Variants in ATP8B1 observed in about 807,000 individuals in gnomAD.
The protein encoded by ATP8B1 is ATPase phospholipid transporting 8B1.
In ATP8B1, 80 loss-of-function variants were observed where a neutral mutation model predicts 149.9. The ratio of observed to expected loss-of-function variants is 0.53; its 90% CI spans 0.45 to 0.64. ATP8B1 has a LOEUF of 0.64. ATP8B1 is among the 30% of genes least tolerant of loss of function. The pLI is 0.00. For synonymous variants in ATP8B1, 536 were observed against 562.8 expected (o/e 0.95, Z 0.67); for missense variants, 1,247 against 1,552.6 (o/e 0.80, Z 3.31).
At chr18:57,676,116 T>C (rs934382078) in intron 15 of ATP8B1, among the ~76,000 whole-genome samples, 1 of 152,214 alleles carries the variant, frequency 6.6e-6, no homozygotes, top group Non-Finnish European at 1.5e-5. Flanking sequence ...TCCAAGAAGG[T>C]TGTACCAGTT....
At chr18:57,779,503 T>C (rs1210437923) in intron 1 of ATP8B1, among the ~76,000 whole-genome samples, 3 of 152,242 alleles carry the variant, frequency 2.0e-5, no homozygotes, top group Non-Finnish European at 4.4e-5. Flanking sequence ...CCAAAGTTGG[T>C]ATCAGGTATA....
In ATP8B1 at chr18:57,759,825, G is replaced by GAA. The variant is rs113979064; in HGVS notation, c.-25-27995_-25-27994dup. ...CAGAGCGAGACTCCGTCTCGGGAAA[G>GAA]AAAAAAAAAAAAAAAGGTATTTGGA... On this transcript the variant is annotated intron_variant, in intron 1 of 27. Coordinates refer to ENST00000648908, the MANE Select transcript of ATP8B1 (RefSeq NM_001374385.1). Among the ~76,000 whole-genome samples, 66 of 128,430 alleles carry GAA rather than the reference G, an allele frequency of 5.1e-4. No homozygotes were observed. The South Asian group carries it at 5.9e-3, about 12-fold the overall frequency. 84.3% of individuals were successfully genotyped at this position (128,430 alleles called of 152,430 possible).
At chr18:57,740,126 T>C (rs2079897296) in intron 1 of ATP8B1, among the ~76,000 whole-genome samples, 1 of 152,136 alleles carries the variant, frequency 6.6e-6, no homozygotes, top group Admixed American at 6.5e-5. Flanking sequence ...GTTTTGCTCT[T>C]GTTGCCCAGA....
intron 21 of ATP8B1, 110 bp downstream of exon 21, chr18:57,662,373 A>T: frequency 7.5e-7 from 1 of 1,338,184 alleles, no homozygotes; most frequent in South Asian, 1.2e-5. Context: ...TTTCATGTAT[A>T]GGCTAAGAGA....
chr18:57,760,524 C>A (rs1231076479), intron 1 of ATP8B1, among the ~76,000 whole-genome samples: 1 of 152,170 alleles, frequency 6.6e-6, no homozygotes, highest in Non-Finnish European at 1.5e-5. Context: ...GAAAGAGCAG[C>A]TAGTGGCTTC....
Position 57,661,991 on chromosome 18 carries a change from C to T in ATP8B1, c.2418+492G>A, listed in dbSNP as rs370714284. ...CCTTGGCCTCCCAAAGTGCTGGGAG[C>T]ACAGGCGTGAGCCACTGTGCTCAGC... On this transcript the variant is annotated intron_variant, in intron 21 of 27. Transcript: ENST00000648908. Among the ~76,000 whole-genome samples the T allele has an allele frequency of 4.6e-5, 7 of 152,152 alleles. No homozygotes were observed. The East Asian group carries it at 7.7e-4, about 17-fold the overall frequency.
At chr18:57,781,629 T>C (rs905906570) in intron 1 of ATP8B1, among the ~76,000 whole-genome samples, 5 of 152,210 alleles carry the variant, frequency 3.3e-5, no homozygotes, top group African/African-American at 1.2e-4. Flanking sequence ...ATGAAGAAGA[T>C]ACGTGATCTC....
rs755072706 is a variant in ATP8B1 at position 57,695,163 on chromosome 18, G to C, written c.940+8C>G. ...GCTGATTAATTTCCCAAGAAACTCT[G>C]AACGTACCTGCAAAAATGACTAAGC... is the stretch of plus-strand genomic sequence containing the variant. On this transcript the variant is annotated splice_region_variant and intron_variant, in intron 10 of 27. Coordinates refer to ENST00000648908, the MANE Select transcript of ATP8B1 (RefSeq NM_001374385.1). The C allele has an allele frequency of 1.9e-6, 3 of 1,608,284 alleles. No individual in the cohort carries two copies. In the South Asian group the frequency reaches 3.3e-5, roughly 18 times the overall value.
intron 1 of ATP8B1, among the ~76,000 whole-genome samples, chr18:57,780,538 A>C (rs2080347537): frequency 6.6e-6 from 1 of 152,178 alleles, no homozygotes; most frequent in South Asian, 2.1e-4. Context: ...AATAAAAACA[A>C]GCTTCTTGAA....
chr18:57,717,496 C>T (rs1482283084), intron 2 of ATP8B1, among the ~76,000 whole-genome samples: 4 of 109,674 alleles, frequency 3.6e-5, no homozygotes, highest in African/African-American at 7.1e-5. Flanking sequence ...TGCAGTAAGC[C>T]GAGATCACAC....
At chr18:57,761,060 AT>A (rs1483897677) in intron 1 of ATP8B1, among the ~76,000 whole-genome samples, 7 of 141,972 alleles carry the variant, frequency 4.9e-5, no homozygotes, top group African/African-American at 1.9e-4. Flanking sequence ...ATAACATAAA[AT>A]AACATAAAAT....
At chr18:57,654,627 G>A (rs777820455) in intron 23 of ATP8B1, among the ~76,000 whole-genome samples, 4 of 148,044 alleles carry the variant, frequency 2.7e-5, no homozygotes, top group Admixed American at 2.0e-4. Context: ...CCCTGTTATC[G>A]CTACTCTTAA....
At chr18:57,663,004 A>G (rs980353651) in intron 20 of ATP8B1, among the ~76,000 whole-genome samples, 9 of 152,202 alleles carry the variant, frequency 5.9e-5, no homozygotes, top group African/African-American at 1.7e-4. Context: ...AGTGTTAACT[A>G]TAGTCACATT....
At chr18:57,744,858 A>C (rs1358251177) in intron 1 of ATP8B1, among the ~76,000 whole-genome samples, 2 of 152,196 alleles carry the variant, frequency 1.3e-5, no homozygotes, top group African/African-American at 4.8e-5. Flanking sequence ...ACAAAATATA[A>C]ACTTTGAAAC....
intron 1 of ATP8B1, among the ~76,000 whole-genome samples, chr18:57,774,609 AAATTT>A (rs1275441258): frequency 6.6e-6 from 1 of 151,940 alleles, no homozygotes; most frequent in Admixed American, 6.6e-5. Context: ...AAAATAAATA[AAATTT>A]ATTTATTAAT....
intron 1 of ATP8B1, among the ~76,000 whole-genome samples, chr18:57,754,240 C>T (rs1022641271): frequency 1.1e-4 from 16 of 151,928 alleles, no homozygotes; most frequent in Non-Finnish European, 1.6e-4. Flanking sequence ...GAGTTCGAGA[C>T]CAGTCTGGTC....
rs1223553784 is a variant in ATP8B1, at chr18:57,672,930, A to C, written c.1820-1350T>G. 2.0e-3 allele frequency among the ~76,000 whole-genome samples: 60 copies of C among 30,714 alleles called. 6 individuals carry two copies. In the East Asian group the frequency reaches 0.067, roughly 35 times the overall value. 20.1% of individuals were successfully genotyped at this position (30,714 alleles called of 152,430 possible). On this transcript the variant is annotated intron_variant, in intron 16 of 27. Transcript: ENST00000648908. ...TATATATATATATATATATATATATATAACATGTATATACACATATATACA... is the reference window on the plus strand; with the variant it reads ...TATATATATATATATATATATATATCTAACATGTATATACACATATATACA...
At chr18:57,777,830 A>G (rs1290281750) in intron 1 of ATP8B1, among the ~76,000 whole-genome samples, 1 of 152,216 alleles carries the variant, frequency 6.6e-6, no homozygotes, top group Non-Finnish European at 1.5e-5. Context: ...TTGGCTTCCC[A>G]AAGTTCTGGG....
intron 2 of ATP8B1, among the ~76,000 whole-genome samples, chr18:57,714,145 C>T (rs953284672): frequency 2.0e-5 from 3 of 152,186 alleles, no homozygotes; most frequent in Admixed American, 2.0e-4. Flanking sequence ...AGTAACCTGG[C>T]AGCACTCCTC....
Sources: allele counts gnomAD v4.1 joint callset (sites outside exome capture counted in the v4.1 genomes callset), GRCh38; gene constraint gnomAD v4.1.1; transcripts MANE v1.5; gene names NCBI Gene and HGNC (gene_info 2026-07-23, HGNC 2026-07-21).